MACC1: variants seen among roughly 807,000 people sequenced by gnomAD.
MACC1 encodes metastasis-associated in colon cancer protein 1.
Under a neutral mutation model 70.7 loss-of-function variants are expected in MACC1, and 79 were observed. The ratio of observed to expected loss-of-function variants is 1.12; its 90% CI spans 0.93 to 1.35. The LOEUF (loss-of-function observed/expected upper bound fraction) is 1.35. Ranked by LOEUF, MACC1 falls within the 40% of genes most tolerant of loss-of-function variation. The pLI, the probability that MACC1 is intolerant of heterozygous loss-of-function variation, is 0.00. For missense variants in MACC1, 1,106 were observed against 978.1 expected (o/e 1.13, Z -1.74); for synonymous variants, 361 against 347.2 (o/e 1.04, Z -0.44).
chr7:20,193,866 C>G (rs1782708980), intron 1 of MACC1, among the ~76,000 whole-genome samples: 2 of 151,744 alleles, frequency 1.3e-5, no homozygotes, highest in African/African-American at 4.8e-5. Context: ...GTTCTCCAAC[C>G]CCGGCTCTGC....
At chr7:20,148,900 C>G (rs1338672955) in intron 6 of MACC1, among the ~76,000 whole-genome samples, 1 of 152,114 alleles carries the variant, frequency 6.6e-6, no homozygotes, top group Non-Finnish European at 1.5e-5. Flanking sequence ...ATACTTTTCC[C>G]TTCTCTAAGA....
intron 1 of MACC1, among the ~76,000 whole-genome samples, chr7:20,186,847 G>A (rs1782595925): frequency 1.3e-5 from 2 of 152,150 alleles, no homozygotes; most frequent in African/African-American, 2.4e-5. Context: ...ATATTACACA[G>A]TCATTAAAAA....
intron 5 of MACC1, 142 bp from the exon 6 acceptor site, chr7:20,154,523 G>A (rs2128101946): frequency 1.2e-6 from 1 of 850,276 alleles, no homozygotes; most frequent in Non-Finnish European, 1.8e-6. Flanking sequence ...AAAGCTCAAG[G>A]AGTTGATTCA....
chr7:20,160,225 G>T lies in MACC1; in HGVS notation c.136C>A (p.Leu46Ile). 6.3e-7 allele frequency: 1 copy of T among 1,577,558 alleles called. No individual in the cohort carries two copies. Among genetic ancestry groups the T allele is most frequent in the East Asian group, 2.3e-5 (1 of 44,206 alleles). Reference sequence around the variant, plus strand: ...GTGAAAGCATCCGGCCAATTGTGAAGCAAGTCTGGGTCCTGGCATTCTTGT... The same window carrying T: ...GTGAAAGCATCCGGCCAATTGTGAATCAAGTCTGGGTCCTGGCATTCTTGT... Reference protein sequence around the residue: ...NITECQDPDLLHNWPDAFTLR... With the variant: ...NITECQDPDLIHNWPDAFTLR... Residue 46 changes from leucine to isoleucine, a missense_variant, in exon 5 of 7, where the codon CTT (leucine) becomes ATT (isoleucine). By Grantham distance (5) the Leu-to-Ile change is conservative. Transcript: ENST00000400331.
At chr7:20,178,450 A>G (rs946282570) in intron 1 of MACC1, among the ~76,000 whole-genome samples, 5 of 152,146 alleles carry the variant, frequency 3.3e-5, no homozygotes, top group Non-Finnish European at 7.3e-5. Flanking sequence ...ATCTTTCGGC[A>G]TGTATTAGTG....
chr7:20,168,803 CAG>C (rs1255918873), intron 2 of MACC1, among the ~76,000 whole-genome samples: 1 of 152,202 alleles, frequency 6.6e-6, no homozygotes, highest in Non-Finnish European at 1.5e-5. Context: ...TTCCTCTCAA[CAG>C]AGTTTCCCTT....
chr7:20,135,736 G>A lies in MACC1; in HGVS notation c.*5210C>T, dbSNP rs964939953. On this transcript the variant is annotated 3_prime_UTR_variant, in exon 7 of 7. Coordinates refer to ENST00000400331, the MANE Select transcript of MACC1 (RefSeq NM_182762.4). ...TGACAATGAGACTGGAGCATGTTTGGCAGCGTGCTTTGAGAAGCTCCTAGT... is the reference window on the plus strand; with the variant it reads ...TGACAATGAGACTGGAGCATGTTTGACAGCGTGCTTTGAGAAGCTCCTAGT... 1 of 152,212 alleles carries A rather than the reference G, an allele frequency of 6.6e-6. No homozygotes were observed. Among genetic ancestry groups the A allele is most frequent in the Non-Finnish European group, 1.5e-5 (1 of 68,058 alleles). The allele number at this position is 152,212 out of a possible 1,614,324, so 9.4% of individuals were successfully genotyped here. A position where few individuals can be genotyped will look rare whatever the true frequency, so the allele number is the denominator to read the frequency against.
At chr7:20,194,057 A>G (rs1782713373) in intron 1 of MACC1, among the ~76,000 whole-genome samples, 1 of 152,094 alleles carries the variant, frequency 6.6e-6, no homozygotes, top group Non-Finnish European at 1.5e-5. Flanking sequence ...ACTTGCTGGG[A>G]GCCTCCATGT....
intron 5 of MACC1, among the ~76,000 whole-genome samples, chr7:20,154,686 T>C (rs193070708): frequency 6.6e-6 from 1 of 152,312 alleles, no homozygotes; most frequent in African/African-American, 2.4e-5. Flanking sequence ...AAAAAGGAAG[T>C]TAAATTACAC....
At position 20,154,238 on chromosome 7, in the gene MACC1, T is replaced by C. The variant is rs1345884892; in HGVS notation, c.2301A>G (p.Ala767=). The C allele has an allele frequency of 6.2e-7, 1 of 1,614,048 alleles. No homozygotes were observed. The highest frequency in any genetic ancestry group is 8.5e-7 in the Non-Finnish European group (1 of 1,179,930). Residue 767 remains alanine, a synonymous_variant, in exon 6 of 7, where the codon GCA becomes GCG. Coordinates refer to ENST00000400331, the MANE Select transcript of MACC1 (RefSeq NM_182762.4). ...TGTTTCCTCGATGAGGAATTTCATA[T>C]GCCTCCATTTGTTGCTTTGTGAGTC... ...LVRLTKQQME[A]YEIPHRGNTG...
chr7:20,160,901 T>A (rs548349990), intron 4 of MACC1, among the ~76,000 whole-genome samples: 1 of 152,236 alleles, frequency 6.6e-6, no homozygotes, highest in South Asian at 2.1e-4. Context: ...CATTGAAAAT[T>A]TAGACCACCA....
intron 1 of MACC1, among the ~76,000 whole-genome samples, chr7:20,209,207 T>C (rs561654377): frequency 9.2e-5 from 14 of 152,226 alleles, no homozygotes; most frequent in Non-Finnish European, 2.1e-4. Context: ...CCAGTGGAGC[T>C]GTGAGAAGAG....
intron 2 of MACC1, among the ~76,000 whole-genome samples, chr7:20,170,076 G>C (rs1410391360): frequency 6.6e-6 from 1 of 152,148 alleles, no homozygotes; most frequent in Non-Finnish European, 1.5e-5. Context: ...CATGATTCCT[G>C]CCAAAAGAGT....
At chr7:20,145,528 G>C (rs757264791) in intron 6 of MACC1, among the ~76,000 whole-genome samples, 2 of 151,984 alleles carry the variant, frequency 1.3e-5, no homozygotes, top group African/African-American at 4.8e-5. Context: ...GTAGAAAATA[G>C]AGGTATTTTA....
intron 6 of MACC1, among the ~76,000 whole-genome samples, chr7:20,145,793 A>T (rs957157354): frequency 6.6e-6 from 1 of 152,210 alleles, no homozygotes. Context: ...GAACAAAAGC[A>T]TATGTCAAGA....
intron 1 of MACC1, among the ~76,000 whole-genome samples, chr7:20,214,031 C>T (rs1783034765): frequency 6.6e-6 from 1 of 151,768 alleles, no homozygotes; most frequent in Admixed American, 6.6e-5. Flanking sequence ...ATTTTAATTC[C>T]TACCACTCTT....
chr7:20,209,489 G>C (rs1782964560), intron 1 of MACC1, among the ~76,000 whole-genome samples: 2 of 152,230 alleles, frequency 1.3e-5, no homozygotes, highest in African/African-American at 4.8e-5. Flanking sequence ...GGGGCCTAGA[G>C]CCCCTTTGTT....
intron 1 of MACC1, among the ~76,000 whole-genome samples, chr7:20,198,950 G>C (rs1423886873): frequency 2.6e-5 from 4 of 152,186 alleles, no homozygotes; most frequent in Non-Finnish European, 5.9e-5. Context: ...AGAGAGAAAG[G>C]CTTGTCTAAG....
At chr7:20,186,002 G>T (rs545468822) in intron 1 of MACC1, among the ~76,000 whole-genome samples, 19 of 152,082 alleles carry the variant, frequency 1.2e-4, no homozygotes, top group African/African-American at 4.1e-4. Flanking sequence ...ACACAAAGTC[G>T]CATATGGCGA....
Sources: gnomAD v4.1 joint callset for allele counts (sites outside exome capture counted in the v4.1 genomes callset) on GRCh38, gnomAD v4.1.1 for gene constraint, MANE v1.5 for transcripts, NCBI Gene and HGNC (gene_info 2026-07-23, HGNC 2026-07-21) for gene names.